The following ZNF385B variants were observed in gnomAD, a reference collection of about 807,000 sequenced individuals.
The protein encoded by ZNF385B is zinc finger protein 385B.
ZNF385B carries 23 observed loss-of-function variants against 39.2 expected under a neutral mutation model. That is an observed-to-expected ratio of 0.59 (90% CI 0.42 to 0.83). The LOEUF (loss-of-function observed/expected upper bound fraction) is 0.83. Among genes scored for constraint, ZNF385B ranks in the 40% least tolerant of loss-of-function variants. The pLI is 0.00. For synonymous variants in ZNF385B, 205 were observed against 222.6 expected (o/e 0.92, Z 0.70); for missense variants, 552 against 598.9 (o/e 0.92, Z 0.82).
At chr2:179,579,312 T>C (rs938239603) in intron 3 of ZNF385B, among the ~76,000 whole-genome samples, 8 of 152,096 alleles carry the variant, frequency 5.3e-5, no homozygotes, top group East Asian at 1.9e-4. Flanking sequence ...TGAGTGTTAC[T>C]GGCTTACTGG....
chr2:179,638,411 C>T (rs1691956066), intron 3 of ZNF385B, among the ~76,000 whole-genome samples: 1 of 152,104 alleles, frequency 6.6e-6, no homozygotes, highest in Non-Finnish European at 1.5e-5. Context: ...TAAGTTTGTT[C>T]TTGGTAGCAG....
intron 3 of ZNF385B, among the ~76,000 whole-genome samples, chr2:179,744,700 A>G (rs1035516629): frequency 1.3e-5 from 2 of 152,152 alleles, no homozygotes; most frequent in Admixed American, 1.3e-4. Context: ...AAAAACACAT[A>G]CACTTATATA....
At chr2:179,727,331 G>A (rs977489496) in intron 3 of ZNF385B, among the ~76,000 whole-genome samples, 10 of 151,906 alleles carry the variant, frequency 6.6e-5, no homozygotes, top group Non-Finnish European at 1.0e-4. Flanking sequence ...AAATACCACC[G>A]ATTTAATTTC....
intron 6 of ZNF385B, among the ~76,000 whole-genome samples, chr2:179,456,802 A>G (rs1559253291): frequency 6.6e-6 from 1 of 152,198 alleles, no homozygotes; most frequent in Non-Finnish European, 1.5e-5. Flanking sequence ...AGCACTCACT[A>G]TAGACCAAGC....
At chr2:179,493,468 T>G (rs1290608978) in intron 5 of ZNF385B, among the ~76,000 whole-genome samples, 6 of 144,186 alleles carry the variant, frequency 4.2e-5, no homozygotes, top group Admixed American at 3.6e-4. Context: ...TGTACATATA[T>G]GCATGTGTAC....
At chr2:179,786,868 A>G (rs562469310) in intron 1 of ZNF385B, among the ~76,000 whole-genome samples, 1 of 152,192 alleles carries the variant, frequency 6.6e-6, no homozygotes, top group Non-Finnish European at 1.5e-5. Context: ...GATTAGCTAT[A>G]CCAATTTACA....
chr2:179,461,682 T>C (rs2051358215), intron 6 of ZNF385B, among the ~76,000 whole-genome samples: 1 of 152,228 alleles, frequency 6.6e-6, no homozygotes, highest in African/African-American at 2.4e-5. Flanking sequence ...GGGACCTTAA[T>C]GCTTACATGT....
chr2:179,855,425 A>G (rs1466354837), intron 1 of ZNF385B, among the ~76,000 whole-genome samples: 1 of 152,194 alleles, frequency 6.6e-6, no homozygotes, highest in Non-Finnish European at 1.5e-5. Context: ...TCTTTGTTAA[A>G]AGACTAAGTC....
intron 3 of ZNF385B, among the ~76,000 whole-genome samples, chr2:179,750,599 C>A (rs1702614486): frequency 6.6e-6 from 1 of 152,054 alleles, no homozygotes; most frequent in Non-Finnish European, 1.5e-5. Context: ...CATATTTTGA[C>A]CAAGGCCTTT....
intron 1 of ZNF385B, among the ~76,000 whole-genome samples, chr2:179,809,078 T>C (rs1364850805): frequency 6.6e-6 from 1 of 152,254 alleles, no homozygotes; most frequent in East Asian, 1.9e-4. Flanking sequence ...TGTCAAGCTA[T>C]GATTACTGCC....
chr2:179,460,103 C>A (rs1476612100), intron 6 of ZNF385B, among the ~76,000 whole-genome samples: 2 of 150,910 alleles, frequency 1.3e-5, no homozygotes, highest in East Asian at 3.9e-4. Flanking sequence ...GACTCTGTCT[C>A]AAAAAGAAAA....
chr2:179,599,270 T>C (rs1249657406), intron 3 of ZNF385B, among the ~76,000 whole-genome samples: 1 of 152,234 alleles, frequency 6.6e-6, no homozygotes, highest in Non-Finnish European at 1.5e-5. Flanking sequence ...CCAGATCTTC[T>C]GATTCCGAAA....
At chr2:179,724,813 G>T (rs953168888) in intron 3 of ZNF385B, among the ~76,000 whole-genome samples, 1 of 152,160 alleles carries the variant, frequency 6.6e-6, no homozygotes, top group African/African-American at 2.4e-5. Context: ...AAGCTGGGAA[G>T]CTAGGGAGGA....
chr2:179,844,601 A>G (rs904489667), intron 1 of ZNF385B, among the ~76,000 whole-genome samples: 19 of 152,200 alleles, frequency 1.2e-4, no homozygotes, highest in African/African-American at 4.6e-4. Flanking sequence ...AAGAAAAGGA[A>G]ACCAAGGTGA....
At chr2:179,711,709 G>A (rs1267593261) in intron 3 of ZNF385B, among the ~76,000 whole-genome samples, 5 of 152,088 alleles carry the variant, frequency 3.3e-5, no homozygotes, top group African/African-American at 1.2e-4. Flanking sequence ...AGGTTGCCAG[G>A]TAGAGGTTGC....
intron 3 of ZNF385B, among the ~76,000 whole-genome samples, chr2:179,751,317 TC>T (rs1287054579): frequency 6.6e-6 from 1 of 152,028 alleles, no homozygotes; most frequent in Non-Finnish European, 1.5e-5. Flanking sequence ...AATAATAAGT[TC>T]CATCAGAATA....
At chr2:179,486,877 C>T (rs2054626695) in intron 5 of ZNF385B, among the ~76,000 whole-genome samples, 1 of 152,114 alleles carries the variant, frequency 6.6e-6, no homozygotes, top group Non-Finnish European at 1.5e-5. Context: ...GATTGTGCCA[C>T]TGCACTCTGG....
chr2:179,833,997 C>G (rs1708116730), intron 1 of ZNF385B, among the ~76,000 whole-genome samples: 1 of 151,636 alleles, frequency 6.6e-6, no homozygotes, highest in African/African-American at 2.4e-5. Flanking sequence ...TAGCCACAAA[C>G]AAGTAAATAT....
At chr2:179,571,494 C>T (rs1270428967) in intron 3 of ZNF385B, among the ~76,000 whole-genome samples, 1 of 152,166 alleles carries the variant, frequency 6.6e-6, no homozygotes. Flanking sequence ...AAAGGGACAA[C>T]TTAGAACAAA....
Sources: gnomAD v4.1 joint callset for allele counts (sites outside exome capture counted in the v4.1 genomes callset) on GRCh38, gnomAD v4.1.1 for gene constraint, MANE v1.5 for transcripts, NCBI Gene and HGNC (gene_info 2026-07-23, HGNC 2026-07-21) for gene names.